Variants in STAB2 observed in about 807,000 individuals in gnomAD.
STAB2 encodes stabilin-2.
A neutral mutation model predicts 338.1 loss-of-function variants in STAB2; 288 were observed. The ratio of observed to expected loss-of-function variants is 0.85; its 90% CI spans 0.77 to 0.94. STAB2 has a LOEUF of 0.94. STAB2 is among the 40% of genes least tolerant of loss of function. The pLI, the probability that STAB2 is intolerant of heterozygous loss-of-function variation, is 0.00. For synonymous variants in STAB2, 1,202 were observed against 1,193.3 expected, an observed-to-expected ratio of 1.01 and a Z score of -0.15; for missense variants, 3,141 against 3,210.1, an observed-to-expected ratio of 0.98 and a Z score of 0.52.
chr12:103,761,623 A>G (rs1170141391), intron 66 of STAB2, among the ~76,000 whole-genome samples: 2 of 151,982 alleles, frequency 1.3e-5, no homozygotes, highest in African/African-American at 4.8e-5. Flanking sequence ...AGCACCAGTC[A>G]CCATTAATAT....
At chr12:103,712,511 T>C in intron 41 of STAB2, 68 bp downstream of exon 41, 1 of 1,255,708 alleles carries the variant, frequency 8.0e-7, no homozygotes, top group South Asian at 1.2e-5. Flanking sequence ...AGGTTCTTGT[T>C]CCTGCAGTCT....
At chr12:103,652,896 G>A (rs565418658) in intron 12 of STAB2, among the ~76,000 whole-genome samples, 191 bp downstream of exon 12, 1 of 152,322 alleles carries the variant, frequency 6.6e-6, no homozygotes, top group South Asian at 2.1e-4. Context: ...GAGGAAGGGT[G>A]GAGTGTTATG....
At chr12:103,718,100 C>G (rs1880472408) in intron 44 of STAB2, among the ~76,000 whole-genome samples, 1 of 152,196 alleles carries the variant, frequency 6.6e-6, no homozygotes, top group African/African-American at 2.4e-5. Context: ...ATCCCCTATC[C>G]ATATTGCCAA....
At chr12:103,627,468 C>T (rs941243316) in intron 5 of STAB2, among the ~76,000 whole-genome samples, 8 of 152,328 alleles carry the variant, frequency 5.3e-5, no homozygotes, top group South Asian at 2.1e-4. Flanking sequence ...TTTAAAGTCA[C>T]GCCACCCAAG....
chr12:103,727,417 T>C (rs1451502229), intron 47 of STAB2, 67 bp downstream of exon 47: 3 of 1,547,586 alleles, frequency 1.9e-6, no homozygotes, highest in Admixed American at 3.3e-5. Flanking sequence ...GGCCTCGCCC[T>C]GGAACCAAGA....
rs772204845 is a variant in STAB2, at chr12:103,725,035, T to C, written c.4744T>C (p.Cys1582Arg). The C allele has an allele frequency of 6.2e-7, 1 of 1,614,066 alleles. No homozygotes were observed. The highest frequency in any genetic ancestry group is 8.5e-7 in the Non-Finnish European group (1 of 1,179,912). The change falls in exon 45 of 69, where the codon TGT (cysteine) becomes CGT (arginine). Residue 1582 changes from cysteine to arginine, a missense_variant. Physicochemically the swap from Cys to Arg is radical, Grantham distance 180. Transcript: ENST00000388887. Reference protein sequence around the residue: ...CNHTGQVERTCTCKPNYIGDG... With the variant: ...CNHTGQVERTRTCKPNYIGDG... Reference sequence around the variant, plus strand: ...CCACACTGGGCAAGTAGAAAGGACTTGTACTTGCAAGCCAAACTACATTGG... The same window carrying C: ...CCACACTGGGCAAGTAGAAAGGACTCGTACTTGCAAGCCAAACTACATTGG...
At chr12:103,744,362 G>A (rs987062279) in intron 56 of STAB2, among the ~76,000 whole-genome samples, 1 of 151,340 alleles carries the variant, frequency 6.6e-6, no homozygotes, top group Non-Finnish European at 1.5e-5. Context: ...ATGTTCCCCA[G>A]ACTGGTCTCA....
chr12:103,640,170 G>A lies in STAB2; in HGVS notation c.954G>A (p.Val318=), dbSNP rs1872811523. ...ATTACCAGAATTTCGTACCTGGAGT[G>A]GGGTGCAGTATGACTGATATATGTA... ...KEHYQNFVPG[V]GCSMTDICKS... Residue 318 remains valine (V), a synonymous_variant, in exon 9 of 69, where the codon GTG becomes GTA. Transcript: ENST00000388887. 1 of 1,613,684 alleles carries A rather than the reference G, an allele frequency of 6.2e-7. No homozygotes were observed. The highest frequency in any genetic ancestry group is 8.5e-7 in the Non-Finnish European group (1 of 1,179,698).
intron 57 of STAB2, among the ~76,000 whole-genome samples, chr12:103,745,987 T>C (rs531376020): frequency 1.3e-5 from 2 of 152,228 alleles, no homozygotes; most frequent in African/African-American, 2.4e-5. Flanking sequence ...ATGACTGTCA[T>C]TTAATCCTCC....
In STAB2 at chr12:103,620,668, TA is replaced by T. The variant is rs1292268325; in HGVS notation, c.417+116del. 3.3e-6 allele frequency: 3 copies of T among 904,560 alleles called. No homozygotes were observed. The African/African-American group carries it at 5.2e-5, about 16-fold the overall frequency. The allele number at this position is 904,560 out of a possible 1,614,324, so 56.0% of individuals were successfully genotyped here. A position where few individuals can be genotyped will look rare whatever the true frequency, so the allele number is the denominator to read the frequency against. On this transcript the variant is annotated intron_variant, in intron 4 of 68. Coordinates refer to ENST00000388887, the MANE Select transcript of STAB2 (RefSeq NM_017564.10). ...ACACACACACACGTGCACACACACA[TA>T]TACAGCGAAGTTCTTAAGCAGTGAA...
chr12:103,603,895 C>A (rs1222894365), intron 3 of STAB2, among the ~76,000 whole-genome samples: 2 of 152,132 alleles, frequency 1.3e-5, no homozygotes, highest in African/African-American at 4.8e-5. Flanking sequence ...TTTTGTTTAT[C>A]ACTGTTGTAT....
rs1228992519 is a variant in STAB2 at position 103,766,494 on chromosome 12, A to G, written c.*158A>G. On this transcript the variant is annotated 3_prime_UTR_variant, in exon 69 of 69. Coordinates refer to ENST00000388887, the MANE Select transcript of STAB2 (RefSeq NM_017564.10). ...GATCTGGGGGTTGTTTCTGTGGGTGAGAGATGTGTTGCTGTGCCCACCCAG... is the reference window on the plus strand; with the variant it reads ...GATCTGGGGGTTGTTTCTGTGGGTGGGAGATGTGTTGCTGTGCCCACCCAG... The G allele has an allele frequency of 2.4e-6, 2 of 827,178 alleles. No individual in the cohort carries two copies. The highest frequency in any genetic ancestry group is 1.8e-5 in the South Asian group (1 of 55,544). 51.2% of individuals were successfully genotyped at this position (827,178 alleles called of 1,614,324 possible).
chr12:103,734,163 TAGGAGCAAGCACGATCATATAGG>T (rs1881895517), intron 51 of STAB2, among the ~76,000 whole-genome samples: 1 of 122,068 alleles, frequency 8.2e-6, no homozygotes, highest in Non-Finnish European at 1.7e-5. Flanking sequence ...CACAGTCTCA[TAGGAGCAAGCACGATCATATAGG>T]AGCAAGCACG....
intron 34 of STAB2, among the ~76,000 whole-genome samples, chr12:103,700,510 C>T (rs945199494): frequency 2.0e-5 from 3 of 152,184 alleles, no homozygotes; most frequent in Non-Finnish European, 4.4e-5. Flanking sequence ...AATAATCTAA[C>T]TTCAAATATT....
At chr12:103,673,815 G>A (rs1177286013) in intron 22 of STAB2, 92 bp from the exon 23 acceptor site, 1 of 1,361,488 alleles carries the variant, frequency 7.3e-7, no homozygotes, top group Non-Finnish European at 1.0e-6. Context: ...TGGGGGGTGA[G>A]AAGAGGTGGT....
At chr12:103,593,360 C>T (rs960561728) in intron 2 of STAB2, among the ~76,000 whole-genome samples, 1 of 152,130 alleles carries the variant, frequency 6.6e-6, no homozygotes, top group Non-Finnish European at 1.5e-5. Flanking sequence ...TTATAATAAC[C>T]ATCGTAATAG....
Position 103,715,819 on chromosome 12 carries a change from C to G in STAB2, c.4542C>G (p.Ile1514Met). ...YTGDGIVCLEINPCLENHGGC... is the reference protein window; with the variant it reads ...YTGDGIVCLEMNPCLENHGGC... ...TGTTGGCTTTTTGTTTTAAAGAAAT[C>G]AACCCGTGTTTGGAGAACCATGGTG... Residue 1514 changes from isoleucine to methionine, a missense_variant, in exon 43 of 69, where the codon ATC (isoleucine) becomes ATG (methionine). Ile to Met is a conservative substitution (Grantham distance 10, BLOSUM62 1). Transcript: ENST00000388887. 1 of 1,614,054 alleles carries G rather than the reference C, an allele frequency of 6.2e-7. No individual in the cohort carries two copies. Among genetic ancestry groups the G allele is most frequent in the South Asian group, 1.1e-5 (1 of 91,062 alleles).
intron 5 of STAB2, among the ~76,000 whole-genome samples, chr12:103,630,491 C>T (rs1434150263): frequency 6.6e-6 from 1 of 152,144 alleles, no homozygotes; most frequent in Admixed American, 6.6e-5. Context: ...TCCCTGGAAC[C>T]TATGAATATG....
intron 5 of STAB2, among the ~76,000 whole-genome samples, chr12:103,624,471 G>A (rs1284338327): frequency 2.6e-5 from 4 of 152,198 alleles, no homozygotes; most frequent in Non-Finnish European, 5.9e-5. Context: ...CATGCTATCT[G>A]TGACTTCATC....
Sources: gnomAD v4.1 joint callset for allele counts (sites outside exome capture counted in the v4.1 genomes callset) on GRCh38, gnomAD v4.1.1 for gene constraint, MANE v1.5 for transcripts, NCBI Gene and HGNC (gene_info 2026-07-23, HGNC 2026-07-21) for gene names.